WASHC2C: variants seen among roughly 807,000 people sequenced by gnomAD.
The protein encoded by WASHC2C is WASH complex subunit 2C, also known as Vaccinia Penetration Factor.
WASHC2C carries 73 observed loss-of-function variants against 142.2 expected under a neutral mutation model. That is an observed-to-expected ratio of 0.51 (90% CI 0.43 to 0.62). WASHC2C has a LOEUF of 0.62. WASHC2C is among the 20% of genes least tolerant of loss of function. The probability of loss-of-function intolerance (pLI) is 0.00; values close to 1 mark genes in which losing one functional copy is unlikely to be tolerated. For missense variants in WASHC2C, 969 were observed against 1,531.7 expected (o/e 0.63, Z 6.13); for synonymous variants, 337 against 565.5 (o/e 0.60, Z 5.73).
chr10:45,762,438 T>C (rs1159248724), intron 17 of WASHC2C, among the ~76,000 whole-genome samples: 1 of 151,790 alleles, frequency 6.6e-6, no homozygotes, highest in Non-Finnish European at 1.5e-5. Context: ...TCAGGTGATC[T>C]GCCTGCCCCA....
At chr10:45,773,606 T>C (rs1318310938) in intron 21 of WASHC2C, among the ~76,000 whole-genome samples, 990 of 151,408 alleles carry the variant, frequency 6.5e-3, no homozygotes, top group African/African-American at 0.023. Flanking sequence ...TTGGGCCCCA[T>C]TGGCATGGAA....
At chr10:45,764,427 G>C (rs2596986) in intron 18 of WASHC2C, among the ~76,000 whole-genome samples, 2 of 151,020 alleles carry the variant, frequency 1.3e-5, no homozygotes, top group East Asian at 2.0e-4. Context: ...CATTCAGGGT[G>C]AGCTGTACTT....
chr10:45,788,874 C>T lies in WASHC2C; in HGVS notation c.3091C>T (p.Arg1031Cys). ...ADTLHSANKS[R>C]VKMRGKRRPQ... ...GTATGTTTTTTTGCCGTTGCAGAGC[C>T]GTGTCAAGATGAGAGGGAAGCGTAG... The change falls in exon 29 of 31, where the codon CGT becomes TGT. Residue 1031 changes from arginine to cysteine, a missense_variant. Coordinates refer to ENST00000623400, the MANE Select transcript of WASHC2C (RefSeq NM_001330074.2). 2.5e-6 allele frequency: 4 copies of T among 1,612,046 alleles called. No homozygotes were observed. The highest frequency in any genetic ancestry group is 1.7e-5 in the Admixed American group (1 of 60,010).
intron 2 of WASHC2C, among the ~76,000 whole-genome samples, chr10:45,728,599 G>A (rs1462380759): frequency 6.6e-6 from 1 of 150,992 alleles, no homozygotes; most frequent in East Asian, 2.0e-4. Flanking sequence ...TTAGTTGGGC[G>A]TTGTGGCGGG....
chr10:45,747,067 C>A (rs1334563605), intron 8 of WASHC2C, among the ~76,000 whole-genome samples: 4 of 152,150 alleles, frequency 2.6e-5, no homozygotes, highest in African/African-American at 9.7e-5. Flanking sequence ...TATCTAAAGG[C>A]GTATTCTTTT....
In WASHC2C at chr10:45,730,277, G is replaced by A. The variant is rs1342992182; in HGVS notation, c.291+1251G>A. ...CAGGAGAATCGCTTGAACCTGGGAG[G>A]CGGAGGTTGCGGTGAGCCGAGATCC... On this transcript the variant is annotated intron_variant, in intron 3 of 30. Coordinates refer to ENST00000623400, the MANE Select transcript of WASHC2C (RefSeq NM_001330074.2). 2.9e-5 allele frequency among the ~76,000 whole-genome samples: 4 copies of A among 136,256 alleles called. No individual in the cohort carries two copies. In the South Asian group the frequency reaches 7.4e-4, roughly 25 times the overall value. The allele number at this position is 136,256 out of a possible 152,430, so 89.4% of individuals were successfully genotyped here. A position where few individuals can be genotyped will look rare whatever the true frequency, so the allele number is the denominator to read the frequency against.
At chr10:45,778,640 TC>T in intron 22 of WASHC2C, among the ~76,000 whole-genome samples, 1 of 152,054 alleles carries the variant, frequency 6.6e-6, no homozygotes, top group Middle Eastern at 3.4e-3. Context: ...TAGAAGTTCT[TC>T]CTAGTTCATG....
chr10:45,747,535 T>TA (rs1319510883), intron 8 of WASHC2C, among the ~76,000 whole-genome samples: 2 of 152,252 alleles, frequency 1.3e-5, no homozygotes, highest in Non-Finnish European at 2.9e-5. Flanking sequence ...TCTAAATGTA[T>TA]AAGGGAAAGA....
At chr10:45,786,955 G>A (rs1377107035) in intron 27 of WASHC2C, 80 bp from the exon 28 acceptor site, 61 of 1,611,712 alleles carry the variant, frequency 3.8e-5, no homozygotes, top group African/African-American at 6.7e-5. Flanking sequence ...TATGTGTACC[G>A]AATCTTGTCA....
intron 27 of WASHC2C, 66 bp downstream of exon 27, chr10:45,786,740 A>C (rs1589958378): frequency 6.2e-7 from 1 of 1,611,270 alleles, no homozygotes; most frequent in Non-Finnish European, 8.5e-7. Flanking sequence ...TGGGTTTCCT[A>C]CTCTTGTCAG....
rs199857582 is a variant in WASHC2C at position 45,768,725 on chromosome 10, CTT to C, written c.1870-716_1870-715del. Reference sequence around the variant, plus strand: ...CATGTGTGTTGCGTGAGTTTTTACACTTTTTTTTTCAATCTGCTTTAGGATTT... The same window carrying C: ...CATGTGTGTTGCGTGAGTTTTTACACTTTTTTTCAATCTGCTTTAGGATTT... On this transcript the variant is annotated intron_variant, in intron 19 of 30. Coordinates refer to ENST00000623400, the MANE Select transcript of WASHC2C (RefSeq NM_001330074.2). Among the ~76,000 whole-genome samples, 342 of 151,544 alleles carry C rather than the reference CTT, an allele frequency of 2.3e-3. 2 individuals carry two copies. Among genetic ancestry groups the C allele is most frequent in the African/African-American group, 7.9e-3 (327 of 41,304 alleles).
At position 45,755,069 on chromosome 10, in the gene WASHC2C, T is replaced by G; in HGVS notation, c.1374T>G (p.Asp458Glu). The change falls in exon 15 of 31, where the codon GAT becomes GAG. Residue 458 changes from aspartate (D) to glutamate (E), a missense_variant. By Grantham distance (45) the Asp-to-Glu change is conservative. Transcript: ENST00000623400. ...TCTTTGATGATGATGATGGTGATGA[T>G]GATGACGACTTTTTCTCGGCACCCC... ...TGLFDDDDGDDDDDFFSAPHS... is the reference protein window; with the variant it reads ...TGLFDDDDGDEDDDFFSAPHS... The G allele has an allele frequency of 6.2e-7, 1 of 1,611,642 alleles. No individual in the cohort carries two copies. Among genetic ancestry groups the G allele is most frequent in the Non-Finnish European group, 8.5e-7 (1 of 1,179,790 alleles).
chr10:45,791,704 TG>T (rs2058404420), intron 30 of WASHC2C, among the ~76,000 whole-genome samples: 1 of 146,188 alleles, frequency 6.8e-6, no homozygotes, highest in Admixed American at 7.1e-5. Context: ...GCTAAAATCA[TG>T]GTTGGATAAA....
intron 16 of WASHC2C, among the ~76,000 whole-genome samples, chr10:45,758,734 A>C (rs1395535306): frequency 3.3e-5 from 5 of 151,220 alleles, no homozygotes; most frequent in Non-Finnish European, 5.9e-5. Flanking sequence ...CAGCCTACCA[A>C]GTAGCTGGGA....
At chr10:45,771,771 G>C (rs1589855804) in intron 20 of WASHC2C, 1 of 208,778 alleles carries the variant, frequency 4.8e-6, no homozygotes, top group Non-Finnish European at 8.3e-6. Context: ...AGGATGTGGA[G>C]GAATTGGAAC....
chr10:45,751,655 G>A, intron 11 of WASHC2C, 102 bp downstream of exon 11: 1 of 1,222,850 alleles, frequency 8.2e-7, no homozygotes, highest in Non-Finnish European at 1.1e-6. Flanking sequence ...TTTTCCCTCT[G>A]ACAAATGGGT....
intron 21 of WASHC2C, among the ~76,000 whole-genome samples, chr10:45,773,611 A>G (rs1178092450): frequency 5.9e-5 from 9 of 152,412 alleles, no homozygotes; most frequent in East Asian, 1.9e-4. Flanking sequence ...CCCCATTGGC[A>G]TGGAATTCTG....
chr10:45,783,117 G>C (rs1350003371), intron 23 of WASHC2C, among the ~76,000 whole-genome samples: 1 of 150,366 alleles, frequency 6.7e-6, no homozygotes, highest in African/African-American at 2.4e-5. Context: ...GTGATGTTAT[G>C]CAAACCAGGT....
rs1445650972 is a variant in WASHC2C at position 45,756,864 on chromosome 10, A to G, written c.1421-148A>G. The G allele has an allele frequency of 7.9e-6, 6 of 757,176 alleles. No homozygotes were observed. The African/African-American group carries it at 1.1e-4, about 13-fold the overall frequency. The allele number at this position is 757,176 out of a possible 1,614,324, so 46.9% of individuals were successfully genotyped here. A position where few individuals can be genotyped will look rare whatever the true frequency, so the allele number is the denominator to read the frequency against. ...TTGAAAAATTCCAAGGGAAGAGTAT[A>G]GTTCCACTTACTATTTCTTTATAAC... is the stretch of plus-strand genomic sequence containing the variant. On this transcript the variant is annotated intron_variant, in intron 15 of 30. Transcript: ENST00000623400.
Sources: allele counts gnomAD v4.1 joint callset (sites outside exome capture counted in the v4.1 genomes callset), GRCh38; gene constraint gnomAD v4.1.1; transcripts MANE v1.5; gene names NCBI Gene and HGNC (gene_info 2026-07-23, HGNC 2026-07-21).